GALNT2: variants seen among roughly 807,000 people sequenced by gnomAD.
The protein encoded by GALNT2 is polypeptide N-acetylgalactosaminyltransferase 2, also known as UDP-GalNAc:polypeptide N-acetylgalactosaminyltransferase 2.
A neutral mutation model predicts 81.4 loss-of-function variants in GALNT2; 31 were observed. The ratio of observed to expected loss-of-function variants is 0.38; its 90% CI spans 0.29 to 0.51. GALNT2 has a LOEUF of 0.51. Ranked by LOEUF, GALNT2 falls within the 20% of genes least tolerant of loss-of-function variation. GALNT2 has a pLI of 0.87. For synonymous variants in GALNT2, 303 were observed against 287.4 expected, an observed-to-expected ratio of 1.05 and a Z score of -0.55; for missense variants, 629 against 765.7, an observed-to-expected ratio of 0.82 and a Z score of 2.11.
At chr1:230,218,971 A>G (rs1350708256) in intron 3 of GALNT2, among the ~76,000 whole-genome samples, 1 of 152,242 alleles carries the variant, frequency 6.6e-6, no homozygotes, top group Non-Finnish European at 1.5e-5. Flanking sequence ...TGAACTGCAC[A>G]TGCAAGGGAT....
intron 11 of GALNT2, among the ~76,000 whole-genome samples, chr1:230,255,763 G>A (rs1665692733): frequency 6.6e-6 from 1 of 152,086 alleles, no homozygotes; most frequent in Non-Finnish European, 1.5e-5. Context: ...GAGTGTGAAG[G>A]CTCTTAGAAC....
intron 3 of GALNT2, among the ~76,000 whole-genome samples, chr1:230,232,889 C>G (rs899833568): frequency 1.3e-5 from 2 of 152,108 alleles, no homozygotes; most frequent in Non-Finnish European, 2.9e-5. Context: ...TTTTTTCCCC[C>G]AGACAACCGT....
At chr1:230,154,823 G>C (rs1408735230) in intron 1 of GALNT2, among the ~76,000 whole-genome samples, 1 of 152,172 alleles carries the variant, frequency 6.6e-6, no homozygotes, top group Non-Finnish European at 1.5e-5. Flanking sequence ...TGTTCCTGAA[G>C]CCTCCCAGTT....
intron 3 of GALNT2, among the ~76,000 whole-genome samples, chr1:230,217,267 G>A (rs1371290831): frequency 1.3e-4 from 20 of 152,226 alleles, no homozygotes; most frequent in Admixed American, 1.3e-3. Flanking sequence ...GATCAGGGAA[G>A]ATCTCACTGA....
At chr1:230,116,728 G>A (rs912285264) in intron 1 of GALNT2, among the ~76,000 whole-genome samples, 1 of 152,126 alleles carries the variant, frequency 6.6e-6, no homozygotes, top group Non-Finnish European at 1.5e-5. Context: ...TTTCCGAGCA[G>A]TCTCAACACG....
chr1:230,082,060 C>A (rs539076861), intron 1 of GALNT2, among the ~76,000 whole-genome samples: 1 of 152,290 alleles, frequency 6.6e-6, no homozygotes, highest in Admixed American at 6.5e-5. Context: ...TTAGAGCAGA[C>A]CTGCAGGTCA....
chr1:230,278,228 C>T (rs1666349021), intron 15 of GALNT2, among the ~76,000 whole-genome samples: 1 of 151,424 alleles, frequency 6.6e-6, no homozygotes, highest in Non-Finnish European at 1.5e-5. Context: ...AAGCGATCCT[C>T]CCACCTCAGC....
intron 10 of GALNT2, among the ~76,000 whole-genome samples, chr1:230,251,537 A>G (rs3789629): frequency 0.47 from 72,051 of 151,980 alleles, 17,783 homozygotes; most frequent in East Asian, 0.74. Flanking sequence ...ACTATACTGC[A>G]CGGGTGGAGA....
intron 1 of GALNT2, among the ~76,000 whole-genome samples, chr1:230,092,196 TGCA>T (rs1660112391): frequency 7.5e-6 from 1 of 133,458 alleles, no homozygotes; most frequent in South Asian, 2.2e-4. Context: ...TTTTTTTTTT[TGCA>T]CTGATCTTTC....
intron 2 of GALNT2, among the ~76,000 whole-genome samples, chr1:230,186,336 G>A (rs748096233): frequency 2.0e-4 from 30 of 152,140 alleles, no homozygotes; most frequent in Non-Finnish European, 3.5e-4. Context: ...AACTCTGACT[G>A]GACGCATGCA....
chr1:230,078,867 G>T (rs1295663057), intron 1 of GALNT2, among the ~76,000 whole-genome samples: 2 of 152,172 alleles, frequency 1.3e-5, no homozygotes, highest in Non-Finnish European at 2.9e-5. Flanking sequence ...ATAGTGGCAT[G>T]ATCATGATCA....
chr1:230,123,881 A>G (rs1233392758), intron 1 of GALNT2, among the ~76,000 whole-genome samples: 1 of 152,204 alleles, frequency 6.6e-6, no homozygotes, highest in Non-Finnish European at 1.5e-5. Flanking sequence ...CAGATGTGAT[A>G]CAGAAACCAA....
At chr1:230,139,018 C>T (rs1243106109) in intron 1 of GALNT2, among the ~76,000 whole-genome samples, 1 of 152,078 alleles carries the variant, frequency 6.6e-6, no homozygotes, top group Non-Finnish European at 1.5e-5. Context: ...CTCATTTTAC[C>T]CTATTCAAGA....
At chr1:230,263,068 A>G (rs932008084) in intron 13 of GALNT2, 63 bp downstream of exon 13, 1 of 1,373,460 alleles carries the variant, frequency 7.3e-7, no homozygotes, top group Non-Finnish European at 1.0e-6. Flanking sequence ...AGGCCATAGA[A>G]GCAGCAGAGG....
chr1:230,095,459 G>A (rs1458482735), intron 1 of GALNT2, among the ~76,000 whole-genome samples: 4 of 152,136 alleles, frequency 2.6e-5, no homozygotes, highest in African/African-American at 7.2e-5. Context: ...CCACCCCTGC[G>A]GGCTCCTCAG....
chr1:230,276,051 CATAT>C (rs1163003406), intron 15 of GALNT2, among the ~76,000 whole-genome samples: 2 of 143,030 alleles, frequency 1.4e-5, no homozygotes, highest in Non-Finnish European at 3.0e-5. Context: ...ATACATGCCA[CATAT>C]ATATACGTAT....
At chr1:230,165,404 G>GT (rs981759936) in intron 1 of GALNT2, among the ~76,000 whole-genome samples, 11 of 152,156 alleles carry the variant, frequency 7.2e-5, no homozygotes, top group African/African-American at 1.2e-4. Context: ...AGTTTCTTCT[G>GT]TTTTTTCTCT....
chr1:230,094,163 A>ATTTTTTTTT (rs58639878), intron 1 of GALNT2, among the ~76,000 whole-genome samples: 1 of 119,378 alleles, frequency 8.4e-6, no homozygotes, highest in Non-Finnish European at 1.7e-5. Flanking sequence ...ATGCTGGCTA[A>ATTTTTTTTT]TTTTTTTTTT....
intron 1 of GALNT2, among the ~76,000 whole-genome samples, chr1:230,073,758 G>T (rs1571928521): frequency 2.0e-5 from 3 of 152,246 alleles, no homozygotes; most frequent in African/African-American, 7.2e-5. Flanking sequence ...CTGGCTGCCT[G>T]GGGGCTGGGA....
Sources: allele counts gnomAD v4.1 joint callset (sites outside exome capture counted in the v4.1 genomes callset), GRCh38; gene constraint gnomAD v4.1.1; transcripts MANE v1.5; gene names NCBI Gene and HGNC (gene_info 2026-07-23, HGNC 2026-07-21).